Variants in RNF213 observed in about 807,000 individuals in gnomAD.
The protein encoded by RNF213 is E3 ubiquitin-protein ligase RNF213.
In RNF213, 341 loss-of-function variants were observed where a neutral mutation model predicts 514.4. The observed-to-expected ratio is 0.66, with a 90% confidence interval of 0.61 to 0.73. RNF213 has a LOEUF of 0.73. RNF213 is among the 30% of genes least tolerant of loss of function. The probability of loss-of-function intolerance (pLI) is 0.00; values close to 1 mark genes in which losing one functional copy is unlikely to be tolerated. For missense variants in RNF213, 5,767 were observed against 6,615.6 expected, an observed-to-expected ratio of 0.87 and a Z score of 4.45; for synonymous variants, 2,655 against 2,658.2, an observed-to-expected ratio of 1.00 and a Z score of 0.04.
At chr17:80,369,960 A>T (rs1312788661) in intron 46 of RNF213, 93 bp downstream of exon 46, 1 of 872,466 alleles carries the variant, frequency 1.1e-6, no homozygotes, top group East Asian at 2.4e-5. Flanking sequence ...CGTGACTAGT[A>T]GCTAGTACAT....
chr17:80,263,765 A>C lies in RNF213; in HGVS notation c.84A>C (p.Ala28=). 6.2e-7 allele frequency: 1 copy of C among 1,614,008 alleles called. No homozygotes were observed. Among genetic ancestry groups the C allele is most frequent in the Admixed American group, 1.7e-5 (1 of 60,008 alleles). ...CSQCGERLPP[A]APIADSENNN... is the part of the protein sequence containing the mutation. ...AGTGCGGAGAGAGGCTGCCTCCTGC[A>C]GCCCCCATAGCAGGTGAGGCCCAGG... Residue 28 remains alanine, a synonymous_variant, in exon 2 of 68, where the codon GCA becomes GCC. Coordinates refer to ENST00000582970, the MANE Select transcript of RNF213 (RefSeq NM_001256071.3). The surrounding 1 kb of genome is among the most constrained non-coding windows in gnomAD (Gnocchi z 4.9).
Position 80,334,280 on chromosome 17 carries a change from G to A in RNF213, c.4309+10G>A. The A allele has an allele frequency of 6.5e-7, 1 of 1,529,086 alleles. No individual in the cohort carries two copies. The highest frequency in any genetic ancestry group is 8.8e-7 in the Non-Finnish European group (1 of 1,142,076). 94.7% of individuals were successfully genotyped at this position (1,529,086 alleles called of 1,614,324 possible). A position where few individuals can be genotyped will look rare whatever the true frequency, so the allele number is the denominator to read the frequency against. On this transcript the variant is annotated intron_variant, in intron 22 of 67. Coordinates refer to ENST00000582970, the MANE Select transcript of RNF213 (RefSeq NM_001256071.3). ...CGGGAGGCTCTTGGAGGTAAAATCA[G>A]CCTTTGGGGTTGCGTGGAAGTGTGG...
chr17:80,306,983 G>C, intron 12 of RNF213, 145 bp from the exon 13 acceptor site: 1 of 786,188 alleles, frequency 1.3e-6, no homozygotes, highest in Non-Finnish European at 2.3e-6. Context: ...GGTAAGATTA[G>C]TATGTGAGCA....
In RNF213 at chr17:80,353,425, T is replaced by G; in HGVS notation, c.10424-87T>G. 1.4e-6 allele frequency: 2 copies of G among 1,462,112 alleles called. No individual in the cohort carries two copies. Among genetic ancestry groups the G allele is most frequent in the Non-Finnish European group, 1.9e-6 (2 of 1,066,090 alleles). 90.6% of individuals were successfully genotyped at this position (1,462,112 alleles called of 1,614,324 possible). On this transcript the variant is annotated intron_variant, in intron 33 of 67. Coordinates refer to ENST00000582970, the MANE Select transcript of RNF213 (RefSeq NM_001256071.3). This position sits in a 1 kb window ranked among gnomAD's most constrained non-coding sequence, Gnocchi z 5.0. Reference sequence around the variant, plus strand: ...GCCGGGGAAGCCTGCACTCGGAGGCTGAGCACACAGACTCCCAGATGGCAC... The same window carrying G: ...GCCGGGGAAGCCTGCACTCGGAGGCGGAGCACACAGACTCCCAGATGGCAC...
intron 52 of RNF213, 43 bp downstream of exon 52, chr17:80,376,586 C>A: frequency 6.2e-7 from 1 of 1,613,054 alleles, no homozygotes; most frequent in South Asian, 1.1e-5. Flanking sequence ...CTGGAACACC[C>A]CCCAGAGCTT....
At chr17:80,352,229 A>G in intron 32 of RNF213, 1 of 193,912 alleles carries the variant, frequency 5.2e-6, no homozygotes. Flanking sequence ...AAATTAGAAT[A>G]TTATTGTTAA....
chr17:80,360,309 T>C, intron 38 of RNF213, 103 bp downstream of exon 38: 3 of 1,372,084 alleles, frequency 2.2e-6, no homozygotes, highest in Non-Finnish European at 3.0e-6. Flanking sequence ...AGGTGAATTT[T>C]GGAGTTTTTA....
chr17:80,309,852 T>G (rs2045505711), intron 14 of RNF213, among the ~76,000 whole-genome samples: 1 of 151,920 alleles, frequency 6.6e-6, no homozygotes, highest in African/African-American at 2.4e-5. Context: ...GCCTCCTGGG[T>G]TCACGCCATT....
chr17:80,363,641 G>A lies in RNF213; in HGVS notation c.11601G>A (p.Thr3867=), dbSNP rs145731088. 8.1e-6 allele frequency: 13 copies of A among 1,613,914 alleles called. No individual in the cohort carries two copies. The highest frequency in any genetic ancestry group is 4.0e-5 in the African/African-American group (3 of 74,944). The change falls in exon 41 of 68, where the codon ACG becomes ACA. Residue 3867 remains threonine, a synonymous_variant. Transcript: ENST00000582970. Reference sequence around the variant, plus strand: ...ACGCATTTGCCGCAATGGCCTGCACGGAGATGCTGACAAGAAACACCCTGA... The same window carrying A: ...ACGCATTTGCCGCAATGGCCTGCACAGAGATGCTGACAAGAAACACCCTGA... ...TLDAFAAMAC[T]EMLTRNTLKP...
At chr17:80,363,495 A>C in intron 40 of RNF213, 114 bp from the exon 41 acceptor site, 1 of 1,328,384 alleles carries the variant, frequency 7.5e-7, no homozygotes, top group Non-Finnish European at 1.1e-6. Flanking sequence ...CTAGACAATG[A>C]AAGTTTAGGT....
chr17:80,342,708 T>G (rs2078192067), intron 26 of RNF213, among the ~76,000 whole-genome samples: 1 of 146,192 alleles, frequency 6.8e-6, no homozygotes, highest in Admixed American at 6.9e-5. Flanking sequence ...ATTCTATATA[T>G]ACATATATAG....
At chr17:80,384,965 T>A (rs1468928400) in intron 59 of RNF213, 74 bp from the exon 60 acceptor site, 5 of 1,489,884 alleles carry the variant, frequency 3.4e-6, no homozygotes, top group Non-Finnish European at 4.7e-6. Context: ...TCGCAGCCAG[T>A]CTCAAAGTCT....
At chr17:80,270,146 G>T (rs1360223364) in intron 2 of RNF213, among the ~76,000 whole-genome samples, 3 of 152,228 alleles carry the variant, frequency 2.0e-5, no homozygotes, top group Admixed American at 2.0e-4. Context: ...GGCAGCTCGT[G>T]CCCTGCGCAT....
rs754411748 is a variant in RNF213, at chr17:80,383,105, C to T, written c.14070+35C>T. ...AAGTGCTGACAGCTGGGTTGCTCCT[C>T]GGTCCAGAAAGGAAGGGTCCCGGCG... is the stretch of plus-strand genomic sequence containing the variant. On this transcript the variant is annotated intron_variant, in intron 58 of 67. Coordinates refer to ENST00000582970, the MANE Select transcript of RNF213 (RefSeq NM_001256071.3). The T allele has an allele frequency of 7.3e-6, 11 of 1,500,174 alleles. No homozygotes were observed. In the East Asian group the frequency reaches 9.1e-5, roughly 12 times the overall value. The allele number at this position is 1,500,174 out of a possible 1,614,324, so 92.9% of individuals were successfully genotyped here. A position where few individuals can be genotyped will look rare whatever the true frequency, so the allele number is the denominator to read the frequency against.
intron 18 of RNF213, among the ~76,000 whole-genome samples, 184 bp downstream of exon 18, chr17:80,325,382 A>G (rs1438449292): frequency 6.6e-6 from 1 of 152,126 alleles, no homozygotes; most frequent in Non-Finnish European, 1.5e-5. Context: ...TGTAAATAAT[A>G]ACTAATGCTA....
At chr17:80,280,531 G>A (rs994035550) in intron 3 of RNF213, among the ~76,000 whole-genome samples, 7 of 152,188 alleles carry the variant, frequency 4.6e-5, no homozygotes, top group African/African-American at 1.7e-4. Context: ...ATAGCTCACT[G>A]CAGCCTTGAC....
chr17:80,346,064 C>A lies in RNF213; in HGVS notation c.7729C>A (p.Pro2577Thr), dbSNP rs1383107411. Residue 2577 changes from proline (P) to threonine (T), a missense_variant, in exon 29 of 68, where the codon CCT becomes ACT. Pro to Thr is a conservative substitution (Grantham distance 38). Coordinates refer to ENST00000582970, the MANE Select transcript of RNF213 (RefSeq NM_001256071.3). This position sits in a 1 kb window ranked among gnomAD's most constrained non-coding sequence, Gnocchi z 8.1. ...CCATGCTCTGCCCCCGAGCCTGATT[C>A]CTCTGGTGTGGGACTTTGGACAACT... ...RVHALPPSLIPLVWDFGQLSD... is the reference protein window; with the variant it reads ...RVHALPPSLITLVWDFGQLSD... 6.2e-7 allele frequency: 1 copy of A among 1,614,172 alleles called. No homozygotes were observed. The highest frequency in any genetic ancestry group is 8.5e-7 in the Non-Finnish European group (1 of 1,180,036).
In RNF213 at chr17:80,379,583, C is replaced by T. The variant is rs768942288; in HGVS notation, c.13546-37C>T. 5 of 1,577,376 alleles carry T rather than the reference C, an allele frequency of 3.2e-6. No individual in the cohort carries two copies. The South Asian group carries it at 5.5e-5, about 17-fold the overall frequency. ...GGCATTTGTGCATAAAATGGTACTG[C>T]TCCAGAAGTGGTTCTAGTGCCCTGT... On this transcript the variant is annotated intron_variant, in intron 54 of 67. Transcript: ENST00000582970.
chr17:80,380,734 C>T, intron 55 of RNF213, 97 bp from the exon 56 acceptor site: 1 of 1,387,144 alleles, frequency 7.2e-7, no homozygotes, highest in Non-Finnish European at 1.0e-6. Flanking sequence ...ACATAACTCT[C>T]TTCTCAGCCG....
Sources: allele counts gnomAD v4.1 joint callset (sites outside exome capture counted in the v4.1 genomes callset), GRCh38; gene constraint gnomAD v4.1.1; non-coding constraint Gnocchi (gnomAD v3.1); transcripts MANE v1.5; gene names NCBI Gene and HGNC (gene_info 2026-07-23, HGNC 2026-07-21).